Variants in RPE65 observed in about 807,000 individuals in gnomAD.
RPE65 encodes retinoid isomerohydrolase.
A neutral mutation model predicts 68.5 loss-of-function variants in RPE65; 58 were observed. The observed-to-expected ratio is 0.85, with a 90% CI of 0.69 to 1.05. The LOEUF is 1.05. Among genes scored for constraint, RPE65 ranks in the 50% least tolerant of loss-of-function variants. The probability of loss-of-function intolerance (pLI) is 0.00; values close to 1 mark genes in which losing one functional copy is unlikely to be tolerated. For missense variants in RPE65, 643 were observed against 629.9 expected (o/e 1.02, Z -0.22); for synonymous variants, 220 against 222.2 (o/e 0.99, Z 0.09).
At chr1:68,440,021 G>A (rs1351227882) in intron 6 of RPE65, among the ~76,000 whole-genome samples, 2 of 152,156 alleles carry the variant, frequency 1.3e-5, no homozygotes, top group Non-Finnish European at 2.9e-5. Flanking sequence ...ATGGGTTTGT[G>A]TCAATAGCCC....
chr1:68,432,622 A>G (rs1380808086), intron 10 of RPE65, among the ~76,000 whole-genome samples: 1 of 152,060 alleles, frequency 6.6e-6, no homozygotes, highest in Non-Finnish European at 1.5e-5. Flanking sequence ...GAGAATAAGA[A>G]AGGAAGGTGG....
intron 10 of RPE65, among the ~76,000 whole-genome samples, chr1:68,437,341 C>T (rs983013455): frequency 6.6e-6 from 1 of 152,128 alleles, no homozygotes; most frequent in African/African-American, 2.4e-5. Flanking sequence ...TTATAGACGC[C>T]CCTTTGCCTG....
At chr1:68,437,907 A>G (rs1253860746) in intron 10 of RPE65, among the ~76,000 whole-genome samples, 1 of 152,258 alleles carries the variant, frequency 6.6e-6, no homozygotes, top group Non-Finnish European at 1.5e-5. Flanking sequence ...CCGAGGAAGT[A>G]TATTTTAAAG....
chr1:68,429,955 A>G (rs1043128028), intron 13 of RPE65, 28 bp from the exon 14 acceptor site: 1 of 1,612,984 alleles, frequency 6.2e-7, no homozygotes. Context: ...ATTAGGCAAT[A>G]TTGAGTTTTT....
rs192418677 is a variant in RPE65 at position 68,431,744 on chromosome 1, G to A, written c.1129-159C>T. On this transcript the variant is annotated intron_variant, in intron 10 of 13. Transcript: ENST00000262340. ...ATGAGGGACCCTGGGACGCGACTGG[G>A]CAAGCTATCTGTGCCTGTGTCAGTC... is the stretch of plus-strand genomic sequence containing the variant. 5.7e-4 allele frequency among the ~76,000 whole-genome samples: 87 copies of A among 152,062 alleles called. No individual in the cohort carries two copies. In the Middle Eastern group the frequency reaches 0.017, roughly 30 times the overall value.
chr1:68,435,137 G>A (rs1277002885), intron 10 of RPE65, among the ~76,000 whole-genome samples: 6 of 152,000 alleles, frequency 3.9e-5, no homozygotes, highest in Non-Finnish European at 8.8e-5. Flanking sequence ...TCTTTGTGAC[G>A]TTACTCTCTC....
chr1:68,443,788 T>TG (rs2018192311), intron 5 of RPE65, among the ~76,000 whole-genome samples: 1 of 152,206 alleles, frequency 6.6e-6, no homozygotes, highest in Non-Finnish European at 1.5e-5. Context: ...GCCTTGTAAA[T>TG]AGGTGTATCT....
chr1:68,446,873 G>A lies in RPE65; in HGVS notation c.95-13C>T, dbSNP rs2100831587. On this transcript the variant is annotated splice_polypyrimidine_tract_variant and intron_variant, in intron 2 of 13. Transcript: ENST00000262340. ...AGGGGGATCCTGCCTGTGATGAAGG[G>A]GAGACAGAACATTGCTTCTTATCCC... 1 of 1,612,976 alleles carries A rather than the reference G, an allele frequency of 6.2e-7. No homozygotes were observed. Among genetic ancestry groups the A allele is most frequent in the Non-Finnish European group, 8.5e-7 (1 of 1,180,022 alleles).
rs1645894486 is a variant in RPE65 at position 68,440,471 on chromosome 1, T to C, written c.643+382A>G. Among the ~76,000 whole-genome samples the C allele has an allele frequency of 2.0e-5, 3 of 152,238 alleles. No individual in the cohort carries two copies. In the South Asian group the frequency reaches 6.2e-4, roughly 31 times the overall value. On this transcript the variant is annotated intron_variant, in intron 6 of 13. Coordinates refer to ENST00000262340, the MANE Select transcript of RPE65 (RefSeq NM_000329.3). ...CATATTTAGTACACTCTCATATATGTATGTATGCTATTATGCACACATACA... is the reference window on the plus strand; with the variant it reads ...CATATTTAGTACACTCTCATATATGCATGTATGCTATTATGCACACATACA...
At chr1:68,440,076 T>C (rs957541455) in intron 6 of RPE65, among the ~76,000 whole-genome samples, 4 of 152,188 alleles carry the variant, frequency 2.6e-5, no homozygotes, top group African/African-American at 9.7e-5. Context: ...CACTAGTAAG[T>C]GAATGGTCCT....
intron 10 of RPE65, among the ~76,000 whole-genome samples, chr1:68,436,053 G>A (rs1645860647): frequency 6.6e-6 from 1 of 152,182 alleles, no homozygotes; most frequent in African/African-American, 2.4e-5. Flanking sequence ...TCTTCAGGCC[G>A]TGATAACCAT....
chr1:68,437,005 A>G (rs1557598876), intron 10 of RPE65, among the ~76,000 whole-genome samples: 1 of 152,186 alleles, frequency 6.6e-6, no homozygotes, highest in East Asian at 1.9e-4. Flanking sequence ...GCCTCATTGC[A>G]TTAATCCTGT....
In RPE65 at chr1:68,444,772, T is replaced by C. The variant is rs1299116346; in HGVS notation, c.353+4A>G. 2 of 1,614,162 alleles carry C rather than the reference T, an allele frequency of 1.2e-6. No individual in the cohort carries two copies. Among genetic ancestry groups the C allele is most frequent in the Non-Finnish European group, 1.7e-6 (2 of 1,179,974 alleles). On this transcript the variant is annotated splice_donor_region_variant and intron_variant, in intron 4 of 13. Transcript: ENST00000262340. ...TGAGTAACATTCAGTTTGGGTTCAGTAACCTGGAAAATATATTCTTGCAGG... is the reference window on the plus strand; with the variant it reads ...TGAGTAACATTCAGTTTGGGTTCAGCAACCTGGAAAATATATTCTTGCAGG...
At position 68,449,951 on chromosome 1, in the gene RPE65, G is replaced by A. The variant is rs756054407; in HGVS notation, c.-46C>T. 75 of 1,612,460 alleles carry A rather than the reference G, an allele frequency of 4.7e-5. No homozygotes were observed. Among genetic ancestry groups the A allele is most frequent in the Non-Finnish European group, 6.1e-5 (72 of 1,178,740 alleles). ...AGAGTTCTGGCACCAACTGCAGAAT[G>A]AAGAAGGAAGTTCTCAGCCAGGGGC... On this transcript the variant is annotated 5_prime_UTR_variant, in exon 1 of 14. Coordinates refer to ENST00000262340, the MANE Select transcript of RPE65 (RefSeq NM_000329.3).
intron 3 of RPE65, among the ~76,000 whole-genome samples, chr1:68,445,621 C>A (rs935043525): frequency 2.0e-5 from 3 of 152,096 alleles, no homozygotes; most frequent in Non-Finnish European, 4.4e-5. Context: ...TCAAGCTATA[C>A]TCTTGCCTCA....
chr1:68,446,712 T>C lies in RPE65; in HGVS notation c.243A>G (p.Arg81=), dbSNP rs780323897. ...AGTGGCATGGAGTGCTGCTTTACCT[T>C]CTGTGGTATGTGACATGTCCTTCTT... is the stretch of plus-strand genomic sequence containing the variant. ...DFKEGHVTYH[R]RFIRTDAYVR... Residue 81 remains arginine (R), a splice_region_variant and synonymous_variant, in exon 3 of 14, where the codon AGA becomes AGG. Transcript: ENST00000262340. 6.2e-7 allele frequency: 1 copy of C among 1,614,172 alleles called. No homozygotes were observed. The highest frequency in any genetic ancestry group is 2.2e-5 in the East Asian group (1 of 44,864).
chr1:68,441,086 C>A lies in RPE65; in HGVS notation c.496-86G>T, dbSNP rs542288611. The stretch of plus-strand genomic sequence containing the variant: ...CCTAGGTCTGAGGTCATCACTACCC[C>A]TTGAACTCTCATCCTAAGTGCACTT... On this transcript the variant is annotated intron_variant, in intron 5 of 13. Transcript: ENST00000262340. 2.9e-5 allele frequency: 42 copies of A among 1,469,652 alleles called. No homozygotes were observed. The African/African-American group carries it at 5.6e-4, about 19-fold the overall frequency. 91.0% of individuals were successfully genotyped at this position (1,469,652 alleles called of 1,614,324 possible). A position where few individuals can be genotyped will look rare whatever the true frequency, so the allele number is the denominator to read the frequency against.
intron 5 of RPE65, among the ~76,000 whole-genome samples, chr1:68,443,140 C>T (rs1342372053): frequency 4.6e-5 from 7 of 152,204 alleles, no homozygotes; most frequent in Admixed American, 3.9e-4. Flanking sequence ...ATTAGCTAAA[C>T]AACATATTCC....
Position 68,431,089 on chromosome 1 carries a change from G to T in RPE65, c.1426C>A (p.Pro476Thr), listed in dbSNP as rs776910617. Residue 476 changes from proline to threonine, a missense_variant, in exon 13 of 14, where the codon CCA becomes ACA. Pro to Thr is a conservative substitution (Grantham distance 38). Coordinates refer to ENST00000262340, the MANE Select transcript of RPE65 (RefSeq NM_000329.3). ...YPSEPIFVSH[P>T]DALEEDDGVV... ...CCATCATCTTCTTCCAAGGCATCTG[G>T]GTGAGAAACAAAGATGGGTTCTGAT... 1.9e-5 allele frequency: 31 copies of T among 1,613,632 alleles called. No individual in the cohort carries two copies. The highest frequency in any genetic ancestry group is 2.6e-5 in the Non-Finnish European group (31 of 1,179,720).
Sources: allele counts gnomAD v4.1 joint callset (sites outside exome capture counted in the v4.1 genomes callset), GRCh38; gene constraint gnomAD v4.1.1; transcripts MANE v1.5; gene names NCBI Gene and HGNC (gene_info 2026-07-23, HGNC 2026-07-21).